GRM1: variants seen among roughly 807,000 people sequenced by gnomAD.
The protein encoded by GRM1 is glutamate metabotropic receptor 1.
In GRM1, 33 loss-of-function variants were observed where a neutral mutation model predicts 90.9. That is an observed-to-expected ratio of 0.36 (90% CI 0.28 to 0.49). The LOEUF is 0.49. Among genes scored for constraint, GRM1 ranks in the 20% least tolerant of loss-of-function variants. GRM1 has a pLI of 0.99. For missense variants in GRM1, 1,190 were observed against 1,534.3 expected, an observed-to-expected ratio of 0.78 and a Z score of 3.75; for synonymous variants, 700 against 613.2, an observed-to-expected ratio of 1.14 and a Z score of -2.09.
chr6:146,038,384 A>G (rs933381637), intron 1 of GRM1, among the ~76,000 whole-genome samples: 1 of 151,984 alleles, frequency 6.6e-6, no homozygotes, highest in African/African-American at 2.4e-5. Context: ...TTAGAGAGCT[A>G]TCAGGGTGAA....
chr6:146,102,110 G>T (rs1021455187), intron 1 of GRM1, among the ~76,000 whole-genome samples: 1 of 152,050 alleles, frequency 6.6e-6, no homozygotes, highest in African/African-American at 2.4e-5. Flanking sequence ...CTCGCCTCTT[G>T]TTCTCCTCTA....
intron 3 of GRM1, 33 bp downstream of exon 3, chr6:146,304,879 GT>G: frequency 2.1e-6 from 3 of 1,410,956 alleles, no homozygotes; most frequent in South Asian, 2.3e-5. Flanking sequence ...CAACTCAGAG[GT>G]TTGGTCATCT....
intron 7 of GRM1, among the ~76,000 whole-genome samples, chr6:146,428,591 A>G (rs1778298302): frequency 6.6e-6 from 1 of 152,224 alleles, no homozygotes; most frequent in South Asian, 2.1e-4. Flanking sequence ...CTGGTAGCAC[A>G]AAGTATAGAA....
chr6:146,162,702 T>C (rs1777775172), intron 2 of GRM1, among the ~76,000 whole-genome samples: 1 of 152,158 alleles, frequency 6.6e-6, no homozygotes, highest in Non-Finnish European at 1.5e-5. Context: ...CCACTTGGAA[T>C]GAGCTGCTGA....
chr6:146,349,836 A>T (rs1051983273), intron 3 of GRM1, among the ~76,000 whole-genome samples: 1 of 152,220 alleles, frequency 6.6e-6, no homozygotes, highest in African/African-American at 2.4e-5. Context: ...TATTGTTTGT[A>T]TATACATATG....
chr6:146,253,571 G>A (rs1006212547), intron 2 of GRM1, among the ~76,000 whole-genome samples: 1 of 152,104 alleles, frequency 6.6e-6, no homozygotes, highest in Admixed American at 6.6e-5. Flanking sequence ...TTATTGGTTA[G>A]GGAATGCAAT....
intron 1 of GRM1, among the ~76,000 whole-genome samples, chr6:146,041,326 G>C (rs532763921): frequency 5.3e-5 from 8 of 152,104 alleles, no homozygotes; most frequent in African/African-American, 1.9e-4. Context: ...ATGGATATCT[G>C]TGTCTTATTG....
chr6:146,409,816 T>C (rs1379878702), intron 7 of GRM1, among the ~76,000 whole-genome samples: 4 of 152,202 alleles, frequency 2.6e-5, no homozygotes, highest in African/African-American at 9.6e-5. Context: ...CTAGCCTCTA[T>C]GCAAATTATC....
At chr6:146,339,857 A>G (rs1562621381) in intron 3 of GRM1, among the ~76,000 whole-genome samples, 1 of 152,136 alleles carries the variant, frequency 6.6e-6, no homozygotes, top group Non-Finnish European at 1.5e-5. Flanking sequence ...GGGCTTCTGT[A>G]ACTTGTACCA....
chr6:146,154,365 C>T (rs1039181893), intron 1 of GRM1, among the ~76,000 whole-genome samples: 3 of 152,156 alleles, frequency 2.0e-5, no homozygotes, highest in Non-Finnish European at 4.4e-5. Context: ...TCCTCGCGCC[C>T]TCTTCTGCAG....
intron 1 of GRM1, among the ~76,000 whole-genome samples, chr6:146,106,707 A>G (rs897304410): frequency 6.6e-6 from 1 of 152,188 alleles, no homozygotes; most frequent in Non-Finnish European, 1.5e-5. Flanking sequence ...CCTTTAGTTT[A>G]TCACTTCACT....
chr6:146,409,226 G>A (rs748286870), intron 7 of GRM1, among the ~76,000 whole-genome samples: 1 of 151,952 alleles, frequency 6.6e-6, no homozygotes, highest in African/African-American at 2.4e-5. Context: ...TCTTTATTTC[G>A]TGAGCACGCA....
At chr6:146,362,664 CAAAAAAAAAAA>C (rs11432508) in intron 5 of GRM1, among the ~76,000 whole-genome samples, 12 of 86,198 alleles carry the variant, frequency 1.4e-4, no homozygotes, top group Non-Finnish European at 2.2e-4. Flanking sequence ...GACTCCATCT[CAAAAAAAAAAA>C]AAAAAAAAAA....
intron 3 of GRM1, among the ~76,000 whole-genome samples, chr6:146,324,147 G>T (rs1784312361): frequency 6.6e-6 from 1 of 152,210 alleles, no homozygotes; most frequent in Non-Finnish European, 1.5e-5. Flanking sequence ...CGGAGCTGCG[G>T]TGGGCTCCAC....
rs955595344 is a variant in GRM1 at position 146,270,849 on chromosome 6, T to C, written c.951-33762T>C. Among the ~76,000 whole-genome samples, 168 of 91,670 alleles carry C rather than the reference T, an allele frequency of 1.8e-3. 2 individuals carry two copies. The highest frequency in any genetic ancestry group is 6.2e-3 in the Middle Eastern group (1 of 162). The allele number at this position is 91,670 out of a possible 152,430, so 60.1% of individuals were successfully genotyped here. On this transcript the variant is annotated intron_variant, in intron 2 of 7. Coordinates refer to ENST00000282753, the MANE Select transcript of GRM1 (RefSeq NM_001278064.2). ...TGCCTGCCTGCCTGCCTTTCTTTCT[T>C]TTTCTTTCTTTCTTTCTTTCTTTCT... is the stretch of plus-strand genomic sequence containing the variant.
At chr6:146,140,163 CCT>C (rs1463313988) in intron 1 of GRM1, among the ~76,000 whole-genome samples, 2 of 122,748 alleles carry the variant, frequency 1.6e-5, no homozygotes, top group Non-Finnish European at 3.4e-5. Flanking sequence ...CTTTCTCCTT[CCT>C]TCCTTCCTTC....
At chr6:146,280,238 G>A (rs1375430800) in intron 2 of GRM1, among the ~76,000 whole-genome samples, 1 of 151,982 alleles carries the variant, frequency 6.6e-6, no homozygotes, top group Non-Finnish European at 1.5e-5. Flanking sequence ...GGAAAGCTGA[G>A]GTTAATGCAG....
intron 2 of GRM1, among the ~76,000 whole-genome samples, chr6:146,234,057 A>G (rs1432267134): frequency 6.6e-6 from 1 of 151,862 alleles, no homozygotes; most frequent in Non-Finnish European, 1.5e-5. Flanking sequence ...AATATTTTAT[A>G]TTTCATTTGT....
intron 1 of GRM1, among the ~76,000 whole-genome samples, chr6:146,043,812 A>ATATATATATATATATATATATATAG: frequency 1.4e-5 from 1 of 70,342 alleles, no homozygotes; most frequent in Admixed American, 1.3e-4. Context: ...TATATATATA[A>ATATATATATATATATATATATATAG]AGGGAAGTGA....
Sources: allele counts gnomAD v4.1 joint callset (sites outside exome capture counted in the v4.1 genomes callset), GRCh38; gene constraint gnomAD v4.1.1; transcripts MANE v1.5; gene names NCBI Gene and HGNC (gene_info 2026-07-23, HGNC 2026-07-21).